PDXDC1: variants seen among roughly 807,000 people sequenced by gnomAD.
PDXDC1 encodes the protein pyridoxal-dependent decarboxylase domain-containing protein 1.
PDXDC1 carries 42 observed loss-of-function variants against 100.1 expected under a neutral mutation model. The observed-to-expected ratio is 0.42, with a 90% confidence interval of 0.33 to 0.54. The LOEUF (loss-of-function observed/expected upper bound fraction) is 0.54. Among genes scored for constraint, PDXDC1 ranks in the 20% least tolerant of loss-of-function variants. PDXDC1 has a pLI of 0.10. For synonymous variants in PDXDC1, 260 were observed against 371.7 expected, an observed-to-expected ratio of 0.70 and a Z score of 3.46; for missense variants, 636 against 979.2, an observed-to-expected ratio of 0.65 and a Z score of 4.68.
intron 16 of PDXDC1, among the ~76,000 whole-genome samples, chr16:15,079,631 C>T (rs12919096): frequency 0.64 from 96,555 of 150,304 alleles, 32,763 homozygotes; most frequent in Non-Finnish European, 0.74. Flanking sequence ...CTCGCTCTGT[C>T]GCCCAGGCTG....
intron 16 of PDXDC1, among the ~76,000 whole-genome samples, chr16:15,126,209 T>C (rs1204032912): frequency 4.0e-5 from 6 of 150,840 alleles, no homozygotes; most frequent in Non-Finnish European, 7.4e-5. Flanking sequence ...TGATTTTTTG[T>C]ATTTTTAGTA....
chr16:15,124,600 C>T (rs1468704625), intron 16 of PDXDC1, among the ~76,000 whole-genome samples: 2 of 147,560 alleles, frequency 1.4e-5, no homozygotes, highest in Non-Finnish European at 3.0e-5. Context: ...TGGTGAAACC[C>T]TGTGTCTAAT....
downstream of PDXDC1, among the ~76,000 whole-genome samples, chr16:15,041,324 C>T (rs1368538320): frequency 6.6e-6 from 1 of 152,100 alleles, no homozygotes; most frequent in Non-Finnish European, 1.5e-5. Context: ...GCTGCAGAAT[C>T]GGTCCCCACT....
intron 16 of PDXDC1, among the ~76,000 whole-genome samples, chr16:15,082,602 G>A (rs1054461156): frequency 4.6e-5 from 7 of 151,848 alleles, no homozygotes; most frequent in African/African-American, 1.7e-4. Flanking sequence ...GAACCCTGGA[G>A]GCAGAGGCTG....
At position 15,068,101 on chromosome 16, in the gene PDXDC1, A is replaced by G; in HGVS notation, c.1399+38045A>G. 3.3e-6 allele frequency: 5 copies of G among 1,502,124 alleles called. No homozygotes were observed. In the South Asian group the frequency reaches 6.1e-5, roughly 18 times the overall value. 93.0% of individuals were successfully genotyped at this position (1,502,124 alleles called of 1,614,324 possible). A position where few individuals can be genotyped will look rare whatever the true frequency, so the allele number is the denominator to read the frequency against. On this transcript the variant is annotated intron_variant, in intron 16 of 16. Coordinates refer to the PDXDC1 transcript ENST00000535621. ...AATTTCATAGAAATTTAACACTCTT[A>G]CAATACTAGATAAACATAAATAAAA...
chr16:14,989,533 T>G, intron 1 of PDXDC1: 1 of 1,612,244 alleles, frequency 6.2e-7, no homozygotes, highest in South Asian at 1.1e-5. Context: ...TCCGTGGGGT[T>G]GTTGAGCTGG....
intron 1 of PDXDC1, among the ~76,000 whole-genome samples, chr16:14,982,335 G>A (rs544375616): frequency 5.9e-5 from 9 of 152,396 alleles, no homozygotes; most frequent in African/African-American, 2.2e-4. Context: ...GAAGATGAGA[G>A]GAGACGGCTG....
intron 12 of PDXDC1, among the ~76,000 whole-genome samples, chr16:15,020,095 G>C (rs1321830937): frequency 1.7e-5 from 2 of 121,150 alleles, no homozygotes; most frequent in Non-Finnish European, 3.2e-5. Context: ...CTGGGTGACA[G>C]AGCGAGGCTC....
At chr16:15,005,848 C>T (rs1974139462) in intron 5 of PDXDC1, among the ~76,000 whole-genome samples, 1 of 152,276 alleles carries the variant, frequency 6.6e-6, no homozygotes, top group Non-Finnish European at 1.5e-5. Flanking sequence ...TACAGGCACT[C>T]ACCACCACAC....
chr16:15,041,680 T>C (rs769478424), downstream of PDXDC1: 2 of 1,603,748 alleles, frequency 1.2e-6, no homozygotes, highest in Non-Finnish European at 1.7e-6. Flanking sequence ...AATTCACCTA[T>C]GATGAGAATT....
At chr16:15,104,602 C>T (rs758655632) in intron 16 of PDXDC1, 14 of 1,599,020 alleles carry the variant, frequency 8.8e-6, no homozygotes, top group Non-Finnish European at 1.2e-5. Flanking sequence ...AGACACTCCG[C>T]AGGTGTCTTG....
chr16:15,130,051 G>C (rs1418974476), intron 16 of PDXDC1: 2 of 1,357,796 alleles, frequency 1.5e-6, no homozygotes, highest in East Asian at 2.4e-5. Flanking sequence ...TCAGCATGAC[G>C]ATGTAGTTTA....
intron 1 of PDXDC1, among the ~76,000 whole-genome samples, chr16:14,987,451 C>T (rs986564667): frequency 6.6e-6 from 1 of 152,300 alleles, no homozygotes; most frequent in Non-Finnish European, 1.5e-5. Flanking sequence ...ATTATTAGCA[C>T]AATGCCTGGA....
chr16:15,031,774 C>T lies in PDXDC1; in HGVS notation c.1439C>T (p.Ala480Val). Reference sequence around the variant, plus strand: ...GGAGAGGATGTGGATCAGCTCGTAGCCTGCATAGAAAGCAAACTGCCAGTG... The same window carrying T: ...GGAGAGGATGTGGATCAGCTCGTAGTCTGCATAGAAAGCAAACTGCCAGTG... ...TRGEDVDQLV[A>V]CIESKLPVLC... The change falls in exon 17 of 23, where the codon GCC becomes GTC. Residue 480 changes from alanine to valine, a missense_variant. Around this residue, in one of 4 missense-constraint regions of PDXDC1, gnomAD observed 452 missense variants for 402.9 expected, o/e 1.12. Coordinates refer to ENST00000396410, the MANE Select transcript of PDXDC1 (RefSeq NM_015027.4). 6.2e-7 allele frequency: 1 copy of T among 1,613,722 alleles called. No individual in the cohort carries two copies. Among genetic ancestry groups the T allele is most frequent in the Non-Finnish European group, 8.5e-7 (1 of 1,179,814 alleles).
At chr16:15,049,331 C>T (rs140126192) in intron 16 of PDXDC1, among the ~76,000 whole-genome samples, 46 of 152,236 alleles carry the variant, frequency 3.0e-4, no homozygotes, top group Non-Finnish European at 5.9e-4. Context: ...ACCTGGCCTC[C>T]GCTTTTTTAC....
chr16:15,098,236 T>G (rs1393018101), intron 16 of PDXDC1, among the ~76,000 whole-genome samples: 11 of 150,534 alleles, frequency 7.3e-5, no homozygotes, highest in Non-Finnish European at 1.6e-4. Context: ...AGTCTCACTC[T>G]GTTGCCCAGG....
chr16:15,093,971 G>A, intron 16 of PDXDC1: 3 of 645,074 alleles, frequency 4.7e-6, no homozygotes, highest in Non-Finnish European at 8.4e-6. Context: ...CCCCACCCAT[G>A]TCTATTACCC....
chr16:15,037,296 G>C lies in PDXDC1; in HGVS notation c.*1021G>C, dbSNP rs797001389. 1.3e-5 allele frequency: 2 copies of C among 152,196 alleles called. No homozygotes were observed. Among genetic ancestry groups the C allele is most frequent in the African/African-American group, 4.8e-5 (2 of 41,432 alleles). 9.4% of individuals were successfully genotyped at this position (152,196 alleles called of 1,614,324 possible). A position where few individuals can be genotyped will look rare whatever the true frequency, so the allele number is the denominator to read the frequency against. On this transcript the variant is annotated 3_prime_UTR_variant, in exon 23 of 23. Transcript: ENST00000396410. ...TTCCGAAGTACTGCGTCACTTTGTC[G>C]TAAGTAATGGCCCCTGTGCCTTCTT...
chr16:15,004,309 C>T lies in PDXDC1; in HGVS notation c.365C>T (p.Thr122Ile). 1.9e-6 allele frequency: 3 copies of T among 1,614,114 alleles called. No homozygotes were observed. Among genetic ancestry groups the T allele is most frequent in the Non-Finnish European group, 1.7e-6 (2 of 1,180,000 alleles). Residue 122 changes from threonine (T) to isoleucine (I), a missense_variant, in exon 5 of 23, where the codon ACC becomes ATC. Thr to Ile is a moderately conservative substitution (Grantham distance 89). This residue lies in a region of PDXDC1 where 125 missense variants were observed against 479.9 expected (regional missense o/e 0.26). Coordinates refer to ENST00000396410, the MANE Select transcript of PDXDC1 (RefSeq NM_015027.4). ...KLTTRILSDT[T>I]LWLCRIFRYE... Reference sequence around the variant, plus strand: ...ACAACTAGGATACTTTCAGATACCACCTTATGGCTATGCAGAATTTTCAGG... The same window carrying T: ...ACAACTAGGATACTTTCAGATACCATCTTATGGCTATGCAGAATTTTCAGG...
Sources: allele counts gnomAD v4.1 joint callset (sites outside exome capture counted in the v4.1 genomes callset), GRCh38; gene constraint gnomAD v4.1.1; regional missense constraint gnomAD v4.1.1; transcripts MANE v1.5; gene names NCBI Gene and HGNC (gene_info 2026-07-23, HGNC 2026-07-21).